CYTH3: variants seen among roughly 807,000 people sequenced by gnomAD.
CYTH3 encodes the protein cytohesin 3, also known as cytohesin-3.
Under a neutral mutation model 55.1 loss-of-function variants are expected in CYTH3, and 23 were observed. That is an observed-to-expected ratio of 0.42 (90% CI 0.30 to 0.59). CYTH3 has a LOEUF of 0.59. Ranked by LOEUF, CYTH3 falls within the 20% of genes least tolerant of loss-of-function variation. The pLI is 0.20. For synonymous variants in CYTH3, 249 were observed against 194.9 expected (o/e 1.28, Z -2.31); for missense variants, 413 against 524.8 (o/e 0.79, Z 2.08).
intron 1 of CYTH3, among the ~76,000 whole-genome samples, chr7:6,213,876 C>T (rs1784373613): frequency 6.6e-6 from 1 of 152,098 alleles, no homozygotes; most frequent in African/African-American, 2.4e-5. Flanking sequence ...ACCAGGAGAA[C>T]TTGGCTCCAT....
intron 1 of CYTH3, among the ~76,000 whole-genome samples, chr7:6,215,164 A>C (rs1429114237): frequency 1.3e-5 from 2 of 152,192 alleles, no homozygotes; most frequent in South Asian, 2.1e-4. Context: ...GTTGACAAGG[A>C]AAATCGCAGC....
chr7:6,165,882 G>C (rs1403820892), intron 9 of CYTH3, 72 bp from the exon 10 acceptor site: 6 of 1,428,126 alleles, frequency 4.2e-6, no homozygotes, highest in Non-Finnish European at 4.9e-6. Flanking sequence ...GGGGGCCCTG[G>C]ACCTGCACAG....
Position 6,173,636 on chromosome 7 carries a change from C to A in CYTH3, c.449+17G>T, listed in dbSNP as rs938747249. ...CCTTCCCCATCCACTCTACACCCAG[C>A]AAATGATCATACTTACCTTAAGGCT... On this transcript the variant is annotated intron_variant, in intron 6 of 12. Transcript: ENST00000350796. 1.9e-6 allele frequency: 3 copies of A among 1,576,604 alleles called. No homozygotes were observed. The highest frequency in any genetic ancestry group is 2.6e-6 in the Non-Finnish European group (3 of 1,146,336).
chr7:6,250,861 T>G (rs1182230108), intron 1 of CYTH3, among the ~76,000 whole-genome samples: 1 of 152,204 alleles, frequency 6.6e-6, no homozygotes, highest in African/African-American at 2.4e-5. Context: ...AGAGAATAGG[T>G]GCTTTATTAC....
At chr7:6,222,117 A>T (rs772840070) in intron 1 of CYTH3, among the ~76,000 whole-genome samples, 3 of 152,340 alleles carry the variant, frequency 2.0e-5, no homozygotes, top group Non-Finnish European at 4.4e-5. Flanking sequence ...AGGACAGAGC[A>T]GAGTATGTGG....
chr7:6,247,265 G>T lies in CYTH3; in HGVS notation c.34+25209C>A, dbSNP rs552910057. On this transcript the variant is annotated intron_variant, in intron 1 of 12. Coordinates refer to ENST00000350796, the MANE Select transcript of CYTH3 (RefSeq NM_004227.4). Reference sequence around the variant, plus strand: ...CTCCACGACACTATTTTCTGGCAATGTTATAGAAAAGTCTAAAACCATCCC... The same window carrying T: ...CTCCACGACACTATTTTCTGGCAATTTTATAGAAAAGTCTAAAACCATCCC... Among the ~76,000 whole-genome samples the T allele has an allele frequency of 3.9e-5, 6 of 152,296 alleles. No homozygotes were observed. The South Asian group carries it at 1.2e-3, about 32-fold the overall frequency.
chr7:6,259,709 C>T (rs73058684), intron 1 of CYTH3, among the ~76,000 whole-genome samples: 1,841 of 107,576 alleles, frequency 0.017, 32 homozygotes, highest in Non-Finnish European at 0.026. Flanking sequence ...ACTATTTTCC[C>T]CACAAACTCA....
At chr7:6,223,573 C>A (rs1779146941) in intron 1 of CYTH3, among the ~76,000 whole-genome samples, 1 of 152,068 alleles carries the variant, frequency 6.6e-6, no homozygotes, top group South Asian at 2.1e-4. Context: ...TGTGTCAACT[C>A]AGGGTTAAAT....
chr7:6,254,921 T>C (rs539503773), intron 1 of CYTH3, among the ~76,000 whole-genome samples: 2 of 152,322 alleles, frequency 1.3e-5, no homozygotes, highest in South Asian at 4.1e-4. Context: ...ATTTTCAAAA[T>C]ACAAAGTTGG....
Position 6,162,325 on chromosome 7 carries a change from G to A in CYTH3, c.*2619C>T, listed in dbSNP as rs553938115. 2.0e-5 allele frequency: 3 copies of A among 152,352 alleles called. No homozygotes were observed. Among genetic ancestry groups the A allele is most frequent in the Admixed American group, 1.3e-4 (2 of 15,302 alleles). The allele number at this position is 152,352 out of a possible 1,614,324, so 9.4% of individuals were successfully genotyped here. ...GTGGCAGTCGCCGCCGCCTCCCCGC[G>A]GGGCTCCCCTCACTGCCTCCTGGCC... On this transcript the variant is annotated 3_prime_UTR_variant, in exon 13 of 13. Transcript: ENST00000350796.
intron 1 of CYTH3, among the ~76,000 whole-genome samples, chr7:6,200,868 G>A (rs752097308): frequency 6.6e-6 from 1 of 152,136 alleles, no homozygotes; most frequent in Non-Finnish European, 1.5e-5. Flanking sequence ...TGATCCTCCC[G>A]CCTCAGCCTC....
At chr7:6,236,589 C>T (rs1056073536) in intron 1 of CYTH3, among the ~76,000 whole-genome samples, 9 of 147,414 alleles carry the variant, frequency 6.1e-5, no homozygotes, top group African/African-American at 1.3e-4. Flanking sequence ...GGCAAATTCT[C>T]GCTCTGTCGC....
chr7:6,209,212 A>T (rs1784268591), intron 1 of CYTH3, among the ~76,000 whole-genome samples: 1 of 152,216 alleles, frequency 6.6e-6, no homozygotes, highest in South Asian at 2.1e-4. Flanking sequence ...CAGTTTCCTC[A>T]TTTGTAAATG....
chr7:6,238,158 A>G (rs954491691), intron 1 of CYTH3, among the ~76,000 whole-genome samples: 4 of 152,244 alleles, frequency 2.6e-5, no homozygotes, highest in African/African-American at 9.6e-5. Flanking sequence ...TCCAACCAGA[A>G]TAAGAATGAA....
At chr7:6,207,414 C>A (rs1217508015) in intron 1 of CYTH3, among the ~76,000 whole-genome samples, 1 of 152,092 alleles carries the variant, frequency 6.6e-6, no homozygotes, top group East Asian at 1.9e-4. Context: ...ATCTTAGAAT[C>A]AGTGATATAC....
chr7:6,202,190 C>T (rs1317496109), intron 1 of CYTH3, among the ~76,000 whole-genome samples: 1 of 152,226 alleles, frequency 6.6e-6, no homozygotes, highest in African/African-American at 2.4e-5. Context: ...GTCCTGGAAC[C>T]TGAGACCACC....
At chr7:6,190,376 C>T (rs1583765465) in intron 2 of CYTH3, 73 bp downstream of exon 2, 24 of 923,376 alleles carry the variant, frequency 2.6e-5, no homozygotes, top group Middle Eastern at 7.2e-4. Flanking sequence ...TTTTGTGAGG[C>T]TACTCTTTTA....
At chr7:6,221,884 C>T (rs1257757557) in intron 1 of CYTH3, among the ~76,000 whole-genome samples, 1 of 151,988 alleles carries the variant, frequency 6.6e-6, no homozygotes, top group Non-Finnish European at 1.5e-5. Context: ...GCCTAGAATC[C>T]GAGGCTGCAG....
intron 1 of CYTH3, among the ~76,000 whole-genome samples, chr7:6,270,012 A>G (rs879776171): frequency 6.6e-6 from 1 of 152,196 alleles, no homozygotes; most frequent in Non-Finnish European, 1.5e-5. Flanking sequence ...AAAATATACC[A>G]AAAAATGTTA....
Sources: allele counts gnomAD v4.1 joint callset (sites outside exome capture counted in the v4.1 genomes callset), GRCh38; gene constraint gnomAD v4.1.1; transcripts MANE v1.5; gene names NCBI Gene and HGNC (gene_info 2026-07-23, HGNC 2026-07-21).